EFR3A: variants seen among roughly 807,000 people sequenced by gnomAD.
The protein encoded by EFR3A is protein EFR3 homolog A.
Under a neutral mutation model 104.4 loss-of-function variants are expected in EFR3A, and 76 were observed. That is an observed-to-expected ratio of 0.73 (90% CI 0.60 to 0.88). The LOEUF is 0.88. Among genes scored for constraint, EFR3A ranks in the 40% least tolerant of loss-of-function variants. EFR3A has a pLI of 0.00. For missense variants in EFR3A, 985 were observed against 1,012.5 expected (o/e 0.97, Z 0.37); for synonymous variants, 330 against 330.0 (o/e 1.00, Z 0.00).
intron 8 of EFR3A, among the ~76,000 whole-genome samples, chr8:131,967,531 G>C (rs1819802983): frequency 6.7e-6 from 1 of 149,170 alleles, no homozygotes; most frequent in Admixed American, 6.7e-5. Context: ...ACTCATGGGT[G>C]TAAGTGTAGG....
intron 1 of EFR3A, among the ~76,000 whole-genome samples, chr8:131,935,247 G>A (rs574259192): frequency 1.3e-5 from 2 of 152,262 alleles, no homozygotes; most frequent in Admixed American, 6.5e-5. Context: ...GCGTATAGGA[G>A]CAGATGTTAA....
At chr8:131,940,651 C>T in intron 2 of EFR3A, 76 bp downstream of exon 2, 1 of 1,508,188 alleles carries the variant, frequency 6.6e-7, no homozygotes, top group Non-Finnish European at 8.9e-7. Flanking sequence ...TAAGGTTTCC[C>T]TAATTTCATT....
Position 131,916,093 on chromosome 8 carries a change from G to A in EFR3A, c.10+11771G>A, listed in dbSNP as rs575959595. Reference sequence around the variant, plus strand: ...CCTTTACTGCTGTGTTTATAGTTTTGGTATAGTGTCTGGGCCATGGCACAC... The same window carrying A: ...CCTTTACTGCTGTGTTTATAGTTTTAGTATAGTGTCTGGGCCATGGCACAC... On this transcript the variant is annotated intron_variant, in intron 1 of 22. Transcript: ENST00000254624. 2.0e-5 allele frequency among the ~76,000 whole-genome samples: 3 copies of A among 152,138 alleles called. No individual in the cohort carries two copies. In the South Asian group the frequency reaches 6.2e-4, roughly 32 times the overall value.
intron 1 of EFR3A, among the ~76,000 whole-genome samples, chr8:131,932,767 T>C (rs1001438229): frequency 2.0e-5 from 3 of 152,114 alleles, no homozygotes; most frequent in African/African-American, 7.2e-5. Flanking sequence ...GGAAACACTT[T>C]ATTTTTGCCA....
intron 1 of EFR3A, among the ~76,000 whole-genome samples, chr8:131,914,316 T>C (rs1563809370): frequency 6.6e-6 from 1 of 152,214 alleles, no homozygotes; most frequent in Non-Finnish European, 1.5e-5. Context: ...CCCTTTTCCC[T>C]TGGTTCCATC....
At chr8:131,961,706 G>A (rs1819343281) in intron 8 of EFR3A, among the ~76,000 whole-genome samples, 2 of 152,128 alleles carry the variant, frequency 1.3e-5, no homozygotes, top group South Asian at 2.1e-4. Flanking sequence ...GAAATACAGA[G>A]AATGCCACAA....
At chr8:131,959,465 G>T in intron 7 of EFR3A, 120 bp from the exon 8 acceptor site, 1 of 728,032 alleles carries the variant, frequency 1.4e-6, no homozygotes. Flanking sequence ...GAATTAAATT[G>T]AAATCTTGCT....
At chr8:131,980,960 C>A (rs1820577587) in intron 14 of EFR3A, among the ~76,000 whole-genome samples, 1 of 151,668 alleles carries the variant, frequency 6.6e-6, no homozygotes, top group South Asian at 2.1e-4. Flanking sequence ...CCTCCAGGTT[C>A]ATCCATATTG....
intron 2 of EFR3A, 28 bp downstream of exon 2, chr8:131,940,603 T>TCTCTTTGCTGACCCATTCTG: frequency 1.3e-6 from 2 of 1,587,530 alleles, no homozygotes; most frequent in Non-Finnish European, 8.6e-7. Flanking sequence ...TACTGATCCT[T>TCTCTTTGCTGACCCATTCTG]CTCTTTGCTG....
chr8:131,930,504 G>T (rs4644223), intron 1 of EFR3A, among the ~76,000 whole-genome samples: 1 of 145,428 alleles, frequency 6.9e-6, no homozygotes, highest in African/African-American at 2.6e-5. Context: ...GTCTGGTCAT[G>T]TTTTAGAAAA....
intron 19 of EFR3A, among the ~76,000 whole-genome samples, chr8:131,997,019 ATGTACTC>A (rs1279084012): frequency 3.9e-5 from 6 of 152,202 alleles, no homozygotes; most frequent in African/African-American, 1.4e-4. Context: ...TCAGTGAACT[ATGTACTC>A]TGTAAGGACT....
chr8:131,929,572 A>C (rs1392883380), intron 1 of EFR3A, among the ~76,000 whole-genome samples: 2 of 152,120 alleles, frequency 1.3e-5, no homozygotes, highest in Non-Finnish European at 2.9e-5. Flanking sequence ...TTCTTTCTGT[A>C]TGTGATTATC....
intron 2 of EFR3A, among the ~76,000 whole-genome samples, chr8:131,942,109 C>A (rs963938542): frequency 1.3e-5 from 2 of 152,040 alleles, no homozygotes; most frequent in Non-Finnish European, 2.9e-5. Context: ...ACTATAGTCA[C>A]TTTAACTTGT....
At chr8:131,909,246 G>A (rs944437021) in intron 1 of EFR3A, among the ~76,000 whole-genome samples, 9 of 152,290 alleles carry the variant, frequency 5.9e-5, no homozygotes, top group South Asian at 2.1e-4. Flanking sequence ...CATAAAGATA[G>A]TGTTATAAAA....
In EFR3A at chr8:132,004,508, C is replaced by G. The variant is rs73349393; in HGVS notation, c.2360+1223C>G. On this transcript the variant is annotated intron_variant, in intron 22 of 22. Transcript: ENST00000254624. ...ATCAATTTCATCCTGAAATCATCCCCCCAGTCCCCATCCTTGGAAAAACTG... is the reference window on the plus strand; with the variant it reads ...ATCAATTTCATCCTGAAATCATCCCGCCAGTCCCCATCCTTGGAAAAACTG... Among the ~76,000 whole-genome samples the G allele has an allele frequency of 9.3e-3, 1,416 of 152,292 alleles. 21 individuals are homozygous for G. Among genetic ancestry groups the G allele is most frequent in the African/African-American group, 0.03 (1,262 of 41,548 alleles).
rs539657899 is a variant in EFR3A, at chr8:131,969,338, G to A, written c.991+908G>A. Among the ~76,000 whole-genome samples the A allele has an allele frequency of 1.8e-3, 278 of 152,078 alleles. 2 individuals are homozygous for A. The highest frequency in any genetic ancestry group is 6.5e-3 in the African/African-American group (270 of 41,474). Reference sequence around the variant, plus strand: ...AGTATCTGCAGGGGATTGGTTCGAGGACCCCTGAGAATACCTAACTCTGCA... The same window carrying A: ...AGTATCTGCAGGGGATTGGTTCGAGAACCCCTGAGAATACCTAACTCTGCA... On this transcript the variant is annotated intron_variant, in intron 9 of 22. Transcript: ENST00000254624.
At chr8:131,983,171 A>G (rs1252357509) in intron 14 of EFR3A, among the ~76,000 whole-genome samples, 1 of 152,226 alleles carries the variant, frequency 6.6e-6, no homozygotes, top group African/African-American at 2.4e-5. Flanking sequence ...TCTGAGAAAC[A>G]GGCTTGGAAT....
chr8:131,961,267 T>C (rs1326960897), intron 8 of EFR3A, among the ~76,000 whole-genome samples: 2 of 152,120 alleles, frequency 1.3e-5, no homozygotes, highest in Non-Finnish European at 2.9e-5. Context: ...TTCTCCGAGC[T>C]AAAGGGGGAA....
chr8:131,909,938 A>G (rs969768355), intron 1 of EFR3A, among the ~76,000 whole-genome samples: 3 of 152,170 alleles, frequency 2.0e-5, no homozygotes, highest in Non-Finnish European at 4.4e-5. Flanking sequence ...CTGCTTTCCC[A>G]TGCAGGGTCC....
Sources: gnomAD v4.1 joint callset for allele counts (sites outside exome capture counted in the v4.1 genomes callset) on GRCh38, gnomAD v4.1.1 for gene constraint, MANE v1.5 for transcripts, NCBI Gene and HGNC (gene_info 2026-07-23, HGNC 2026-07-21) for gene names.